Variants in OTOGL observed in about 807,000 individuals in gnomAD.
The protein encoded by OTOGL is otogelin-like protein.
Under a neutral mutation model 318.5 loss-of-function variants are expected in OTOGL, and 285 were observed. That is an observed-to-expected ratio of 0.89 (90% confidence interval 0.81 to 0.99). The LOEUF is 0.99. Ranked by LOEUF, OTOGL falls within the 50% of genes least tolerant of loss-of-function variation. OTOGL has a pLI of 0.00. For missense variants in OTOGL, 2,899 were observed against 2,845.6 expected (o/e 1.02, Z -0.43); for synonymous variants, 987 against 936.5 (o/e 1.05, Z -0.99).
intron 1 of OTOGL, among the ~76,000 whole-genome samples, chr12:80,151,133 C>T (rs1236230784): frequency 6.6e-6 from 1 of 152,110 alleles, no homozygotes; most frequent in Non-Finnish European, 1.5e-5. Context: ...TGGCCAAATG[C>T]CTAGAGCTAG....
chr12:80,108,778 T>TAC (rs1869615238), intron 1 of OTOGL, among the ~76,000 whole-genome samples: 1 of 124,280 alleles, frequency 8.0e-6, no homozygotes, highest in African/African-American at 2.8e-5. Flanking sequence ...CACGTATATA[T>TAC]ATATATATGT....
At chr12:80,159,215 G>A (rs1467890031) in intron 1 of OTOGL, among the ~76,000 whole-genome samples, 1 of 152,048 alleles carries the variant, frequency 6.6e-6, no homozygotes, top group Non-Finnish European at 1.5e-5. Flanking sequence ...TTTTTGATAT[G>A]CTGTTGGATT....
chr12:80,128,355 G>A (rs754808280), intron 1 of OTOGL, among the ~76,000 whole-genome samples: 17 of 152,194 alleles, frequency 1.1e-4, no homozygotes, highest in Non-Finnish European at 2.2e-4. Context: ...CAGAACAGTG[G>A]ATATTGGTGA....
At chr12:80,239,844 A>G (rs756626182) in intron 11 of OTOGL, among the ~76,000 whole-genome samples, 1 of 152,050 alleles carries the variant, frequency 6.6e-6, no homozygotes, top group Non-Finnish European at 1.5e-5. Context: ...TTCTACATGT[A>G]CATTGTACCC....
intron 11 of OTOGL, among the ~76,000 whole-genome samples, chr12:80,246,067 G>A (rs1012043156): frequency 6.6e-6 from 1 of 151,492 alleles, no homozygotes; most frequent in Non-Finnish European, 1.5e-5. Flanking sequence ...TTTGGGCTGA[G>A]ACAATGGGGT....
chr12:80,166,434 C>G (rs888202439), intron 1 of OTOGL, among the ~76,000 whole-genome samples: 8 of 152,100 alleles, frequency 5.3e-5, no homozygotes, highest in African/African-American at 1.9e-4. Flanking sequence ...AAAGATGTAG[C>G]TCTTTTTGCC....
At position 80,296,954 on chromosome 12, in the gene OTOGL, A is replaced by G; in HGVS notation, c.3056A>G (p.Tyr1019Cys). The change falls in exon 27 of 59, where the codon TAC (tyrosine) becomes TGC (cysteine). Residue 1019 changes from tyrosine to cysteine, a missense_variant. Around this residue, in one of 3 missense-constraint regions of OTOGL, gnomAD observed 2,607 missense variants for 2,524.9 expected, o/e 1.03. Transcript: ENST00000547103. ...GAAATTTACCTGAATGATACTCCTT[A>G]CAAACAGGTTAGTGAATTATTTCTT... is the stretch of plus-strand genomic sequence containing the variant. ...DTEIYLNDTP[Y>C]KQKQSGFFLE... 6.5e-7 allele frequency: 1 copy of G among 1,546,278 alleles called. No homozygotes were observed. Among genetic ancestry groups the G allele is most frequent in the South Asian group, 1.2e-5 (1 of 84,252 alleles).
intron 4 of OTOGL, among the ~76,000 whole-genome samples, chr12:80,213,543 A>AC (rs1877438730): frequency 6.6e-6 from 1 of 152,136 alleles, no homozygotes; most frequent in Admixed American, 6.6e-5. Context: ...TGGTTGGAGC[A>AC]CCTCTGACGC....
chr12:80,187,334 A>G (rs563068938), intron 1 of OTOGL, among the ~76,000 whole-genome samples: 2 of 152,196 alleles, frequency 1.3e-5, no homozygotes, highest in East Asian at 3.9e-4. Flanking sequence ...CTAGGAGGTA[A>G]AGTTTACTTC....
At position 80,336,867 on chromosome 12, in the gene OTOGL, C is replaced by G. The variant is rs1047962468; in HGVS notation, c.4768-45C>G. 3.3e-6 allele frequency: 5 copies of G among 1,537,898 alleles called. No individual in the cohort carries two copies. In the African/African-American group the frequency reaches 6.9e-5, roughly 21 times the overall value. ...AGTACATTCATTCTGTTTATCACTA[C>G]AATTGTGTTTAACTCCGTAAAGTTT... On this transcript the variant is annotated intron_variant, in intron 41 of 58. Coordinates refer to ENST00000547103, the MANE Select transcript of OTOGL (RefSeq NM_001378609.3).
intron 27 of OTOGL, among the ~76,000 whole-genome samples, chr12:80,299,553 A>G (rs1230847434): frequency 7.5e-6 from 1 of 133,898 alleles, no homozygotes; most frequent in Non-Finnish European, 1.7e-5. Context: ...TCAAACATTG[A>G]AAGTGAAAAA....
At chr12:80,120,886 A>T (rs530430391) in intron 1 of OTOGL, among the ~76,000 whole-genome samples, 1 of 152,212 alleles carries the variant, frequency 6.6e-6, no homozygotes, top group Non-Finnish European at 1.5e-5. Context: ...TATTCCCCTG[A>T]GAACCAGAAG....
At chr12:80,256,518 A>AAACG in intron 17 of OTOGL, 58 bp downstream of exon 17, 2 of 1,516,078 alleles carry the variant, frequency 1.3e-6, no homozygotes, top group South Asian at 2.5e-5. Flanking sequence ...ACAAACAAAC[A>AAACG]AACAACACAC....
chr12:80,162,014 A>G (rs138195483), intron 1 of OTOGL, among the ~76,000 whole-genome samples: 14 of 152,310 alleles, frequency 9.2e-5, no homozygotes, highest in African/African-American at 3.1e-4. Context: ...TGCTATTTTC[A>G]TATTAACAAA....
chr12:80,103,255 T>C (rs963774715), intron 1 of OTOGL: 2 of 1,534,600 alleles, frequency 1.3e-6, no homozygotes, highest in East Asian at 4.5e-5. Context: ...ATAATCTTCC[T>C]TCGAATGTGG....
intron 10 of OTOGL, 74 bp downstream of exon 10, chr12:80,239,052 A>AT: frequency 3.5e-6 from 5 of 1,416,616 alleles, no homozygotes; most frequent in Non-Finnish European, 3.7e-6. Context: ...TTAACTAAGC[A>AT]TTTTTTAGTG....
intron 8 of OTOGL, among the ~76,000 whole-genome samples, chr12:80,232,321 T>A (rs1879441747): frequency 6.6e-6 from 1 of 152,212 alleles, no homozygotes; most frequent in Non-Finnish European, 1.5e-5. Flanking sequence ...TAATACGTCA[T>A]CCTTTGATTT....
intron 24 of OTOGL, among the ~76,000 whole-genome samples, chr12:80,276,004 C>T (rs2137609012): frequency 6.6e-6 from 1 of 151,724 alleles, no homozygotes; most frequent in African/African-American, 2.4e-5. Flanking sequence ...AACTTTATTG[C>T]TGTGGTCTAG....
At chr12:80,267,853 G>C (rs1289817704) in intron 22 of OTOGL, among the ~76,000 whole-genome samples, 1 of 151,664 alleles carries the variant, frequency 6.6e-6, no homozygotes, top group Non-Finnish European at 1.5e-5. Flanking sequence ...CTGCAGAAAG[G>C]AGTTATGAAT....
Sources: allele counts gnomAD v4.1 joint callset (sites outside exome capture counted in the v4.1 genomes callset), GRCh38; gene constraint gnomAD v4.1.1; regional missense constraint gnomAD v4.1.1; transcripts MANE v1.5; gene names NCBI Gene and HGNC (gene_info 2026-07-23, HGNC 2026-07-21).